Variants in PDE6D observed in about 807,000 individuals in gnomAD.
PDE6D encodes the protein retinal rod rhodopsin-sensitive cGMP 3',5'-cyclic phosphodiesterase subunit delta.
In PDE6D, 10 loss-of-function variants were observed where a neutral mutation model predicts 21.9. The observed-to-expected ratio is 0.46, with a 90% confidence interval of 0.28 to 0.78. The LOEUF is 0.78. Among genes scored for constraint, PDE6D ranks in the 30% least tolerant of loss-of-function variants. The pLI is 0.12. For synonymous variants in PDE6D, 59 were observed against 63.5 expected (o/e 0.93, Z 0.34); for missense variants, 139 against 184.8 (o/e 0.75, Z 1.44).
At chr2:231,766,600 T>C (rs2048972678) in intron 1 of PDE6D, among the ~76,000 whole-genome samples, 1 of 152,228 alleles carries the variant, frequency 6.6e-6, no homozygotes, top group Non-Finnish European at 1.5e-5. Flanking sequence ...CCTTGAATCC[T>C]GTCAAAATCT....
chr2:231,757,728 C>T (rs2048894197), intron 1 of PDE6D, among the ~76,000 whole-genome samples: 1 of 152,100 alleles, frequency 6.6e-6, no homozygotes, highest in Admixed American at 6.5e-5. Flanking sequence ...AGAAAATGTT[C>T]ATAATGTATT....
At chr2:231,738,809 G>A (rs1313044690) in intron 2 of PDE6D, among the ~76,000 whole-genome samples, 20 of 151,546 alleles carry the variant, frequency 1.3e-4, no homozygotes, top group Admixed American at 1.1e-3. Context: ...CCAGCTACTC[G>A]GGAGGCTGAG....
chr2:231,758,280 T>C (rs1350659001), intron 1 of PDE6D, among the ~76,000 whole-genome samples: 6 of 151,896 alleles, frequency 4.0e-5, no homozygotes, highest in Admixed American at 3.3e-4. Flanking sequence ...TAGCTAGGAT[T>C]ACAGGCACCC....
In PDE6D at chr2:231,750,329, C is replaced by T. The variant is rs566057917; in HGVS notation, c.51-11141G>A. ...ACCTACTATGTACCGGTATTAATGT[C>T]AAAGTTGCATCTAAAAAATTTGGGC... On this transcript the variant is annotated intron_variant, in intron 1 of 4. Transcript: ENST00000287600. Among the ~76,000 whole-genome samples the T allele has an allele frequency of 3.3e-5, 5 of 152,060 alleles. No homozygotes were observed. In the South Asian group the frequency reaches 1.0e-3, roughly 32 times the overall value.
intron 1 of PDE6D, among the ~76,000 whole-genome samples, chr2:231,756,650 G>C (rs1351068992): frequency 7.0e-6 from 1 of 142,560 alleles, no homozygotes; most frequent in Non-Finnish European, 1.5e-5. Context: ...TGTTGTTCTA[G>C]GCTGATCTCT....
chr2:231,756,584 C>T (rs1397657338), intron 1 of PDE6D, among the ~76,000 whole-genome samples: 1 of 149,224 alleles, frequency 6.7e-6, no homozygotes, highest in African/African-American at 2.5e-5. Context: ...ACTATGGGTG[C>T]AAACTACTAA....
At chr2:231,733,864 G>A (rs1373002083) in intron 4 of PDE6D, among the ~76,000 whole-genome samples, 3 of 152,052 alleles carry the variant, frequency 2.0e-5, no homozygotes, top group Admixed American at 1.3e-4. Flanking sequence ...GAGAGACCAT[G>A]GCCTTACCAA....
intron 1 of PDE6D, among the ~76,000 whole-genome samples, chr2:231,740,771 A>C (rs1235163922): frequency 6.6e-6 from 1 of 151,948 alleles, no homozygotes; most frequent in African/African-American, 2.4e-5. Context: ...AACTAATAGA[A>C]GTTCTAGAAA....
chr2:231,747,093 A>G (rs949564976), intron 1 of PDE6D, among the ~76,000 whole-genome samples: 1 of 152,146 alleles, frequency 6.6e-6, no homozygotes, highest in Non-Finnish European at 1.5e-5. Flanking sequence ...AAACGATGAT[A>G]CTTTTTTTCT....
At chr2:231,776,986 T>C (rs576245349) in intron 1 of PDE6D, among the ~76,000 whole-genome samples, 28 of 152,218 alleles carry the variant, frequency 1.8e-4, no homozygotes, top group Non-Finnish European at 2.6e-4. Flanking sequence ...TTAACCACTA[T>C]GCTATATTAC....
chr2:231,757,882 G>A (rs763061870), intron 1 of PDE6D, among the ~76,000 whole-genome samples: 63 of 151,760 alleles, frequency 4.2e-4, no homozygotes, highest in Non-Finnish European at 7.5e-4. Context: ...GGAAAATAGA[G>A]GACAGTGCTT....
chr2:231,762,393 G>GGAGT (rs1269477013), intron 1 of PDE6D, among the ~76,000 whole-genome samples: 1 of 143,844 alleles, frequency 7.0e-6, no homozygotes, highest in Non-Finnish European at 1.5e-5. Context: ...CGACCAGGCT[G>GGAGT]GAGTGCAGTA....
intron 1 of PDE6D, among the ~76,000 whole-genome samples, chr2:231,760,250 C>T (rs1470526849): frequency 6.6e-6 from 1 of 152,128 alleles, no homozygotes; most frequent in Non-Finnish European, 1.5e-5. Context: ...TGTTACACAT[C>T]GCTTAGGTAT....
intron 1 of PDE6D, among the ~76,000 whole-genome samples, chr2:231,743,132 G>A (rs750286706): frequency 1.5e-4 from 23 of 151,898 alleles, no homozygotes; most frequent in Admixed American, 2.6e-4. Context: ...GCTGCTATAC[G>A]AGAAAAGTCT....
chr2:231,780,059 G>A (rs1440611362), intron 1 of PDE6D, among the ~76,000 whole-genome samples: 2 of 152,206 alleles, frequency 1.3e-5, no homozygotes, highest in Non-Finnish European at 2.9e-5. Flanking sequence ...GTTGGCAGGA[G>A]AATGGAAAAT....
intron 1 of PDE6D, among the ~76,000 whole-genome samples, chr2:231,776,807 T>C (rs114713157): frequency 0.012 from 1,811 of 152,276 alleles, 27 homozygotes; most frequent in African/African-American, 0.041. Context: ...TCCAAAATAT[T>C]TGCAGGAGAA....
chr2:231,737,423 A>G (rs1159762077), intron 3 of PDE6D, 131 bp from the exon 4 acceptor site: 12 of 570,522 alleles, frequency 2.1e-5, no homozygotes, highest in Non-Finnish European at 3.7e-5. Flanking sequence ...GCAACCTCTC[A>G]GACCAGGGGC....
chr2:231,753,359 T>TA (rs1325662382), intron 1 of PDE6D, among the ~76,000 whole-genome samples: 6 of 149,944 alleles, frequency 4.0e-5, no homozygotes, highest in African/African-American at 1.5e-4. Flanking sequence ...CCGTCTGTAC[T>TA]AAAAAATACA....
chr2:231,734,163 G>A (rs1213151020), intron 4 of PDE6D, among the ~76,000 whole-genome samples: 1 of 151,596 alleles, frequency 6.6e-6, no homozygotes, highest in African/African-American at 2.4e-5. Context: ...GCAGTGAGCC[G>A]AGATCACGCC....
Sources: allele counts gnomAD v4.1 joint callset (sites outside exome capture counted in the v4.1 genomes callset), GRCh38; gene constraint gnomAD v4.1.1; transcripts MANE v1.5; gene names NCBI Gene and HGNC (gene_info 2026-07-23, HGNC 2026-07-21).